Variants in BMP10 observed in about 807,000 individuals in gnomAD.
BMP10 encodes the protein bone morphogenetic protein 10.
Under a neutral mutation model 29.9 loss-of-function variants are expected in BMP10, and 9 were observed. The ratio of observed to expected loss-of-function variants is 0.30; its 90% confidence interval spans 0.18 to 0.53. The LOEUF (loss-of-function observed/expected upper bound fraction) is 0.53. BMP10 is among the 20% of genes least tolerant of loss of function. The pLI is 0.96. For synonymous variants in BMP10, 202 were observed against 200.2 expected (o/e 1.01, Z -0.07); for missense variants, 474 against 524.3 (o/e 0.90, Z 0.94).
rs3812 is a variant in BMP10, at chr2:68,861,170, G to C, written c.*4461C>G. On this transcript the variant is annotated 3_prime_UTR_variant, in exon 2 of 2. Transcript: ENST00000295379. The stretch of plus-strand genomic sequence containing the variant: ...TTAGTCTAGTGATAACTATACAAAT[G>C]TGGACATGGATAATGAACAGGTTTT... Among the ~76,000 whole-genome samples, 110,220 of 152,130 alleles carry C rather than the reference G, an allele frequency of 0.72. 40,949 individuals are homozygous for C. Among genetic ancestry groups the C allele is most frequent in the African/African-American group, 0.87 (36,276 of 41,530 alleles).
chr2:68,871,060 G>T lies in BMP10; in HGVS notation c.299C>A (p.Pro100His). Residue 100 changes from proline (P) to histidine (H), a missense_variant, in exon 1 of 2, where the codon CCC becomes CAC. Pro to His is a moderately conservative substitution (Grantham distance 77). Coordinates refer to ENST00000295379, the MANE Select transcript of BMP10 (RefSeq NM_014482.3). Reference protein sequence around the residue: ...NKFATDRTSMPSANIIRSFKN... With the variant: ...NKFATDRTSMHSANIIRSFKN... ...GAAACTCCTAATGATGTTGGCAGAG[G>T]GCATGGAGGTCCGATCTGTTGCAAA... 1.2e-6 allele frequency: 2 copies of T among 1,613,838 alleles called. No homozygotes were observed. The highest frequency in any genetic ancestry group is 4.5e-5 in the East Asian group (2 of 44,890).
rs529530758 is a variant in BMP10, at chr2:68,866,338, C to T, written c.568G>A (p.Glu190Lys). The change falls in exon 2 of 2, where the codon GAG (glutamate) becomes AAG (lysine). Residue 190 changes from glutamate (E) to lysine (K), a missense_variant. Around this residue, in one of 2 missense-constraint regions of BMP10, gnomAD observed 408 missense variants for 415.3 expected, o/e 0.98. Coordinates refer to ENST00000295379, the MANE Select transcript of BMP10 (RefSeq NM_014482.3). ...ERNMLVLVSGEIYGTNSEWET... is the reference protein window; with the variant it reads ...ERNMLVLVSGKIYGTNSEWET... ...CACTCACTGTTGGTTCCATATATCTCCCCAGACACCAAGACCAGCATGTTT... is the reference window on the plus strand; with the variant it reads ...CACTCACTGTTGGTTCCATATATCTTCCCAGACACCAAGACCAGCATGTTT... 1.2e-6 allele frequency: 2 copies of T among 1,614,000 alleles called. No homozygotes were observed. The highest frequency in any genetic ancestry group is 1.1e-5 in the South Asian group (1 of 91,056).
At chr2:68,868,054 C>A (rs185818359) in intron 1 of BMP10, among the ~76,000 whole-genome samples, 23 of 152,308 alleles carry the variant, frequency 1.5e-4, no homozygotes, top group Non-Finnish European at 2.5e-4. Context: ...CCTGGCATGG[C>A]TCTCAAGACC....
At chr2:68,867,961 T>C (rs927925830) in intron 1 of BMP10, among the ~76,000 whole-genome samples, 1 of 152,186 alleles carries the variant, frequency 6.6e-6, no homozygotes, top group African/African-American at 2.4e-5. Flanking sequence ...TTCACATGAT[T>C]AATAGCTTTC....
rs1682937361 is a variant in BMP10 at position 68,865,730 on chromosome 2, T to C, written c.1176A>G (p.Thr392=). ...QKASKACCVP[T]KLEPISILYL... is the part of the protein sequence containing the mutation. Reference sequence around the variant, plus strand: ...AGAGGATGGAGATGGGCTCTAGCTTTGTGGGCACACAGCAGGCTTTGGAAG... The same window carrying C: ...AGAGGATGGAGATGGGCTCTAGCTTCGTGGGCACACAGCAGGCTTTGGAAG... The change falls in exon 2 of 2, where the codon ACA becomes ACG. Residue 392 remains threonine (T), a synonymous_variant. Coordinates refer to ENST00000295379, the MANE Select transcript of BMP10 (RefSeq NM_014482.3). The surrounding 1 kb of genome is among the most constrained non-coding windows in gnomAD (Gnocchi z 4.7). The C allele has an allele frequency of 6.2e-7, 1 of 1,614,182 alleles. No homozygotes were observed. Among genetic ancestry groups the C allele is most frequent in the Non-Finnish European group, 8.5e-7 (1 of 1,180,000 alleles).
At chr2:68,869,322 C>G (rs1433143580) in intron 1 of BMP10, among the ~76,000 whole-genome samples, 1 of 152,100 alleles carries the variant, frequency 6.6e-6, no homozygotes, top group Non-Finnish European at 1.5e-5. Flanking sequence ...TCCTAGGGAG[C>G]TGCACTAAGC....
Position 68,865,376 on chromosome 2 carries a change from CTG to C in BMP10, c.*253_*254del. ...ATACACAAGTGTGTGTCTTTTGACACTGTATTTTGCCTAGGGGTTGTTTTCAA... is the reference window on the plus strand; with the variant it reads ...ATACACAAGTGTGTGTCTTTTGACACTATTTTGCCTAGGGGTTGTTTTCAA... On this transcript the variant is annotated 3_prime_UTR_variant, in exon 2 of 2. Coordinates refer to ENST00000295379, the MANE Select transcript of BMP10 (RefSeq NM_014482.3). This position sits in a 1 kb window ranked among gnomAD's most constrained non-coding sequence, Gnocchi z 4.7. 1 of 494,688 alleles carries C rather than the reference CTG, an allele frequency of 2.0e-6. No homozygotes were observed. Among genetic ancestry groups the C allele is most frequent in the Non-Finnish European group, 3.6e-6 (1 of 278,636 alleles). The allele number at this position is 494,688 out of a possible 1,614,324, so 30.6% of individuals were successfully genotyped here.
rs538870817 is a variant in BMP10 at position 68,867,035 on chromosome 2, C to T, written c.335-464G>A. ...TGTGTTTGTAGTGGGTGGAGATCCC[C>T]GCACAGTTGGCTGGACACTGGTCTT... On this transcript the variant is annotated intron_variant, in intron 1 of 1. Coordinates refer to ENST00000295379, the MANE Select transcript of BMP10 (RefSeq NM_014482.3). 3.9e-4 allele frequency among the ~76,000 whole-genome samples: 60 copies of T among 152,184 alleles called. 1 individual carries two copies. The highest frequency in any genetic ancestry group is 5.3e-4 in the Non-Finnish European group (36 of 67,992).
Position 68,861,327 on chromosome 2 carries a change from C to T in BMP10, c.*4304G>A, listed in dbSNP as rs1037900947. Among the ~76,000 whole-genome samples, 1 of 152,214 alleles carries T rather than the reference C, an allele frequency of 6.6e-6. No homozygotes were observed. The highest frequency in any genetic ancestry group is 2.4e-5 in the African/African-American group (1 of 41,446). ...CCACCACTATCAAGCCAGGTGCTCACAAAACCAGTGCCCATGTGTGATAAA... is the reference window on the plus strand; with the variant it reads ...CCACCACTATCAAGCCAGGTGCTCATAAAACCAGTGCCCATGTGTGATAAA... On this transcript the variant is annotated 3_prime_UTR_variant, in exon 2 of 2. Transcript: ENST00000295379.
rs1682958794 is a variant in BMP10, at chr2:68,866,468, C to T, written c.438G>A (p.Arg146=). Reference sequence around the variant, plus strand: ...GATCCCTTTGCACCAGTGTGTATAGCCTAAGTTCAGCCATGATGACCTCTT... The same window carrying T: ...GATCCCTTTGCACCAGTGTGTATAGTCTAAGTTCAGCCATGATGACCTCTT... ...HHEEVIMAEL[R]LYTLVQRDRM... The change falls in exon 2 of 2, where the codon AGG becomes AGA. Residue 146 remains arginine, a synonymous_variant. Coordinates refer to ENST00000295379, the MANE Select transcript of BMP10 (RefSeq NM_014482.3). The T allele has an allele frequency of 1.9e-6, 3 of 1,613,918 alleles. No homozygotes were observed. The highest frequency in any genetic ancestry group is 1.3e-5 in the African/African-American group (1 of 74,978).
intron 1 of BMP10, among the ~76,000 whole-genome samples, chr2:68,869,950 T>C (rs1683037539): frequency 6.6e-6 from 1 of 152,164 alleles, no homozygotes. Context: ...CTATGTTATG[T>C]AGGTATTATT....
In BMP10 at chr2:68,862,472, A is replaced by C. The variant is rs1383354433; in HGVS notation, c.*3159T>G. The stretch of plus-strand genomic sequence containing the variant: ...TACAAAAATAAATATATCAATCAAT[A>C]AATAGTGGGAAGCCTAGAAACTCTT... On this transcript the variant is annotated 3_prime_UTR_variant, in exon 2 of 2. Transcript: ENST00000295379. 6.6e-6 allele frequency among the ~76,000 whole-genome samples: 1 copy of C among 152,172 alleles called. No individual in the cohort carries two copies. The highest frequency in any genetic ancestry group is 1.5e-5 in the Non-Finnish European group (1 of 68,042).
chr2:68,869,656 G>A (rs1047688102), intron 1 of BMP10, among the ~76,000 whole-genome samples: 2 of 152,138 alleles, frequency 1.3e-5, no homozygotes, highest in Non-Finnish European at 2.9e-5. Context: ...ATTAGGGAGG[G>A]TTCTTACAGG....
Position 68,865,996 on chromosome 2 carries a change from A to T in BMP10, c.910T>A (p.Ser304Thr). 6.2e-7 allele frequency: 1 copy of T among 1,613,872 alleles called. No homozygotes were observed. Among genetic ancestry groups the T allele is most frequent in the African/African-American group, 1.3e-5 (1 of 74,974 alleles). ...PGEEALLQMR[S>T]NIIYDSTARI... ...GCAGTGGAGTCATAGATGATGTTTG[A>T]TCTCATCTGCAACAAAGCCTCTTCC... is the stretch of plus-strand genomic sequence containing the variant. The change falls in exon 2 of 2, where the codon TCA becomes ACA. Residue 304 changes from serine to threonine, a missense_variant. By Grantham distance (58) the Ser-to-Thr change is moderately conservative. This residue lies in a region of BMP10 where 408 missense variants were observed against 415.3 expected (regional missense o/e 0.98). Transcript: ENST00000295379. The surrounding 1 kb of genome is among the most constrained non-coding windows in gnomAD (Gnocchi z 4.7).
intron 1 of BMP10, 130 bp downstream of exon 1, chr2:68,870,894 TG>T (rs1683053801): frequency 1.2e-6 from 1 of 803,174 alleles, no homozygotes; most frequent in South Asian, 1.9e-5. Flanking sequence ...GCCTTGTTTT[TG>T]TGTATCCATA....
rs959417796 is a variant in BMP10, at chr2:68,864,433, T to C, written c.*1198A>G. ...TAAATATCACGGGAAGATTTAGAAA[T>C]TAGAACACTAACTCCTTTCACCCTG... On this transcript the variant is annotated 3_prime_UTR_variant, in exon 2 of 2. Transcript: ENST00000295379. Among the ~76,000 whole-genome samples, 4 of 152,154 alleles carry C rather than the reference T, an allele frequency of 2.6e-5. No individual in the cohort carries two copies. The highest frequency in any genetic ancestry group is 4.8e-5 in the African/African-American group (2 of 41,426).
In BMP10 at chr2:68,871,184, T is replaced by C. The variant is rs1683059718; in HGVS notation, c.175A>G (p.Lys59Glu). The change falls in exon 1 of 2, where the codon AAG becomes GAG. Residue 59 changes from lysine (K) to glutamate (E), a missense_variant. Lys to Glu is a moderately conservative substitution (Grantham distance 56). Transcript: ENST00000295379. ...VDFNTLLQSMKDEFLKTLNLS... is the reference protein window; with the variant it reads ...VDFNTLLQSMEDEFLKTLNLS... ...TTTAGTGTCTTAAGAAACTCATCCT[T>C]CATGCTCTGGAGCAGTGTGTTAAAG... 1 of 1,614,052 alleles carries C rather than the reference T, an allele frequency of 6.2e-7. No homozygotes were observed. The highest frequency in any genetic ancestry group is 1.7e-5 in the Admixed American group (1 of 60,004).
Position 68,862,895 on chromosome 2 carries a change from G to C in BMP10, c.*2736C>G, listed in dbSNP as rs762027461. Among the ~76,000 whole-genome samples the C allele has an allele frequency of 5.3e-5, 8 of 152,194 alleles. No homozygotes were observed. Among genetic ancestry groups the C allele is most frequent in the South Asian group, 4.1e-4 (2 of 4,830 alleles). On this transcript the variant is annotated 3_prime_UTR_variant, in exon 2 of 2. Transcript: ENST00000295379. ...GGAAGCAGAAAATCATAGAAATGCA[G>C]GTTTACATCTGGATGGGCAGAAAGA...
In BMP10 at chr2:68,864,988, A is replaced by C. The variant is rs758219732; in HGVS notation, c.*643T>G. 5.3e-5 allele frequency among the ~76,000 whole-genome samples: 8 copies of C among 152,110 alleles called. No homozygotes were observed. The highest frequency in any genetic ancestry group is 1.2e-4 in the Non-Finnish European group (8 of 68,022). ...GCCCTCTGGAGCACATTGGTCCTCC[A>C]TGGGTTCATTTTTTCCTGTTGTACC... is the stretch of plus-strand genomic sequence containing the variant. On this transcript the variant is annotated 3_prime_UTR_variant, in exon 2 of 2. Coordinates refer to ENST00000295379, the MANE Select transcript of BMP10 (RefSeq NM_014482.3).
Sources: allele counts gnomAD v4.1 joint callset (sites outside exome capture counted in the v4.1 genomes callset), GRCh38; gene constraint gnomAD v4.1.1; regional missense constraint gnomAD v4.1.1; non-coding constraint Gnocchi (gnomAD v3.1); transcripts MANE v1.5; gene names NCBI Gene and HGNC (gene_info 2026-07-23, HGNC 2026-07-21).